Variants in STAMBPL1 observed in about 807,000 individuals in gnomAD.
STAMBPL1 encodes STAM binding protein like 1, also known as AMSH-like protease.
Under a neutral mutation model 52.9 loss-of-function variants are expected in STAMBPL1, and 44 were observed. That is an observed-to-expected ratio of 0.83 (90% CI 0.65 to 1.07). The LOEUF (loss-of-function observed/expected upper bound fraction) is 1.07, where lower values mean the gene tolerates loss of function less well. Ranked by LOEUF, STAMBPL1 falls within the 50% of genes least tolerant of loss-of-function variation. STAMBPL1 has a pLI of 0.00. For synonymous variants in STAMBPL1, 164 were observed against 177.3 expected (o/e 0.92, Z 0.60); for missense variants, 511 against 520.8 (o/e 0.98, Z 0.18).
At chr10:88,880,985 C>T (rs960840612) in intron 1 of STAMBPL1, among the ~76,000 whole-genome samples, 1 of 152,110 alleles carries the variant, frequency 6.6e-6, no homozygotes, top group Non-Finnish European at 1.5e-5. Context: ...TGGTTCAGCC[C>T]TGGGTTGCAG....
rs1353699575 is a variant in STAMBPL1, at chr10:88,880,389, G to A, written c.-303G>A. 1 of 152,258 alleles carries A rather than the reference G, an allele frequency of 6.6e-6. No homozygotes were observed. Among genetic ancestry groups the A allele is most frequent in the Non-Finnish European group, 1.5e-5 (1 of 68,058 alleles). 9.4% of individuals were successfully genotyped at this position (152,258 alleles called of 1,614,324 possible). On this transcript the variant is annotated 5_prime_UTR_variant, in exon 1 of 11. Transcript: ENST00000371926. ...GACAGCGAGGAGGAGAACGACGCAC[G>A]GAGCCCGCGCGACTGGAACCAGCAA... is the stretch of plus-strand genomic sequence containing the variant.
Position 88,921,036 on chromosome 10 carries a change from C to T in STAMBPL1, c.1042-247C>T, listed in dbSNP as rs1014485050. Among the ~76,000 whole-genome samples, 41 of 152,138 alleles carry T rather than the reference C, an allele frequency of 2.7e-4. 1 individual carries two copies. The highest frequency in any genetic ancestry group is 2.6e-3 in the Admixed American group (40 of 15,264). ...AAGCCCCTAGCAAATTAATTTCCAG[C>T]TCTTTCTTTCCCAAAAAGAAGAAAG... On this transcript the variant is annotated intron_variant, in intron 8 of 10. Coordinates refer to ENST00000371926, the MANE Select transcript of STAMBPL1 (RefSeq NM_020799.4).
At chr10:88,905,321 G>A in intron 2 of STAMBPL1, 122 bp from the exon 3 acceptor site, 1 of 754,994 alleles carries the variant, frequency 1.3e-6, no homozygotes, top group Non-Finnish European at 2.2e-6. Flanking sequence ...ATTAACTTAT[G>A]AAAAGATTTC....
chr10:88,910,568 T>G (rs2133190276), intron 4 of STAMBPL1, among the ~76,000 whole-genome samples: 1 of 152,336 alleles, frequency 6.6e-6, no homozygotes, highest in East Asian at 1.9e-4. Context: ...ATGATTTATG[T>G]ACTATAGAAC....
rs1290507812 is a variant in STAMBPL1, at chr10:88,916,682, A to G, written c.906A>G (p.Thr302=). ...TTCTTTCTGCTATTGTTTTTTAGAC[A>G]CATAATGAATTTACTATTACCCATG... ...ETCGILCGKL[T]HNEFTITHVI... The change falls in exon 8 of 11, where the codon ACA becomes ACG. Residue 302 remains threonine, a splice_region_variant and synonymous_variant. Coordinates refer to ENST00000371926, the MANE Select transcript of STAMBPL1 (RefSeq NM_020799.4). 1 of 1,592,674 alleles carries G rather than the reference A, an allele frequency of 6.3e-7. No individual in the cohort carries two copies. The highest frequency in any genetic ancestry group is 1.8e-5 in the Admixed American group (1 of 55,122).
rs529125342 is a variant in STAMBPL1, at chr10:88,909,117, T to G, written c.324+340T>G. ...GTCATTTTGGCTGCTTTTGATTATT[T>G]TATACAGCCCTGAACTCAATAACTG... On this transcript the variant is annotated intron_variant, in intron 4 of 10. Transcript: ENST00000371926. Among the ~76,000 whole-genome samples the G allele has an allele frequency of 4.6e-5, 7 of 152,352 alleles. No individual in the cohort carries two copies. In the South Asian group the frequency reaches 1.0e-3, roughly 23 times the overall value.
chr10:88,897,657 T>C (rs1844845280), intron 1 of STAMBPL1, among the ~76,000 whole-genome samples: 1 of 152,148 alleles, frequency 6.6e-6, no homozygotes, highest in Non-Finnish European at 1.5e-5. Context: ...AGCAGCGAAG[T>C]GTGGCTGTGA....
chr10:88,897,334 T>A (rs1844837220), intron 1 of STAMBPL1, among the ~76,000 whole-genome samples: 1 of 152,106 alleles, frequency 6.6e-6, no homozygotes, highest in South Asian at 2.1e-4. Flanking sequence ...TTCCCCACAT[T>A]CTTGTGAGTC....
At chr10:88,918,683 C>G (rs1845431730) in intron 8 of STAMBPL1, among the ~76,000 whole-genome samples, 1 of 152,098 alleles carries the variant, frequency 6.6e-6, no homozygotes, top group Non-Finnish European at 1.5e-5. Context: ...AACATGATTT[C>G]TATAAAAAGA....
rs370232387 is a variant in STAMBPL1, at chr10:88,916,649, G to A, written c.904-31G>A. 7 of 1,529,440 alleles carry A rather than the reference G, an allele frequency of 4.6e-6. No individual in the cohort carries two copies. The African/African-American group carries it at 8.6e-5, about 19-fold the overall frequency. 94.7% of individuals were successfully genotyped at this position (1,529,440 alleles called of 1,614,324 possible). ...GTTATTTTTTTTTTTTCTGTGAGAT[G>A]CATGTCATTCTTTCTGCTATTGTTT... On this transcript the variant is annotated intron_variant, in intron 7 of 10. Transcript: ENST00000371926.
chr10:88,893,216 G>T (rs575526309), intron 1 of STAMBPL1, among the ~76,000 whole-genome samples: 1 of 152,232 alleles, frequency 6.6e-6, no homozygotes, highest in African/African-American at 2.4e-5. Context: ...TTTGCCAAGT[G>T]TTTTATAATG....
In STAMBPL1 at chr10:88,895,781, G is replaced by A. The variant is rs574215765; in HGVS notation, c.-53-5875G>A. On this transcript the variant is annotated intron_variant, in intron 1 of 10. Coordinates refer to ENST00000371926, the MANE Select transcript of STAMBPL1 (RefSeq NM_020799.4). ...TATGGCCCCCAAACCTGAGCTCTTC[G>A]TGCTAAGGGCACCGAACCACTTCAT... 1.4e-4 allele frequency among the ~76,000 whole-genome samples: 22 copies of A among 152,228 alleles called. No individual in the cohort carries two copies. In the South Asian group the frequency reaches 3.1e-3, roughly 22 times the overall value.
chr10:88,910,147 T>C (rs1194915915), intron 4 of STAMBPL1, among the ~76,000 whole-genome samples: 2 of 152,152 alleles, frequency 1.3e-5, no homozygotes, highest in South Asian at 2.1e-4. Flanking sequence ...GATATATGAA[T>C]AAATACATAA....
intron 1 of STAMBPL1, among the ~76,000 whole-genome samples, chr10:88,885,971 T>C (rs953830039): frequency 5.3e-5 from 8 of 152,206 alleles, no homozygotes; most frequent in Non-Finnish European, 1.2e-4. Flanking sequence ...AGTGAAACTT[T>C]TTCTTGGTCT....
At chr10:88,888,293 G>A (rs956839704) in intron 1 of STAMBPL1, among the ~76,000 whole-genome samples, 6 of 152,182 alleles carry the variant, frequency 3.9e-5, no homozygotes, top group African/African-American at 1.4e-4. Context: ...TCTGGCAGGC[G>A]CTGAGTTACT....
intron 2 of STAMBPL1, 137 bp downstream of exon 2, chr10:88,901,875 C>A: frequency 1.3e-6 from 1 of 756,162 alleles, no homozygotes; most frequent in Non-Finnish European, 2.1e-6. Context: ...GTGTGGTTGT[C>A]TTCTTTGAGG....
intron 1 of STAMBPL1, among the ~76,000 whole-genome samples, chr10:88,894,452 C>T (rs376791673): frequency 1.3e-5 from 2 of 152,048 alleles, no homozygotes; most frequent in Non-Finnish European, 2.9e-5. Flanking sequence ...ACCTAGAAGG[C>T]AGTCTAGAAA....
At position 88,922,370 on chromosome 10, in the gene STAMBPL1, G is replaced by C. The variant is rs371084787; in HGVS notation, c.1188G>C (p.Met396Ile). 1 of 1,613,254 alleles carries C rather than the reference G, an allele frequency of 6.2e-7. No individual in the cohort carries two copies. Among genetic ancestry groups the C allele is most frequent in the Non-Finnish European group, 8.5e-7 (1 of 1,179,660 alleles). ...TGIFRLTNAG[M>I]LEVSACKKKG... ...TCTTCAGGCTCACCAATGCTGGCATGCTTGAGGTTTCTGCTTGTAAAAAAA... is the reference window on the plus strand; with the variant it reads ...TCTTCAGGCTCACCAATGCTGGCATCCTTGAGGTTTCTGCTTGTAAAAAAA... The change falls in exon 10 of 11, where the codon ATG becomes ATC. Residue 396 changes from methionine to isoleucine, a missense_variant. By Grantham distance (10) the Met-to-Ile change is conservative. Coordinates refer to ENST00000371926, the MANE Select transcript of STAMBPL1 (RefSeq NM_020799.4).
At chr10:88,899,655 G>C (rs930471849) in intron 1 of STAMBPL1, among the ~76,000 whole-genome samples, 1 of 152,056 alleles carries the variant, frequency 6.6e-6, no homozygotes, top group Non-Finnish European at 1.5e-5. Flanking sequence ...GATTACAGGC[G>C]TGCACTACCA....
Sources: gnomAD v4.1 joint callset for allele counts (sites outside exome capture counted in the v4.1 genomes callset) on GRCh38, gnomAD v4.1.1 for gene constraint, MANE v1.5 for transcripts, NCBI Gene and HGNC (gene_info 2026-07-23, HGNC 2026-07-21) for gene names.